Variants in THSD4 observed in about 807,000 individuals in gnomAD.
The protein encoded by THSD4 is thrombospondin type-1 domain-containing protein 4.
In THSD4, 69 loss-of-function variants were observed where a neutral mutation model predicts 119.0. That is an observed-to-expected ratio of 0.58 (90% CI 0.48 to 0.71). The LOEUF is 0.71. THSD4 is among the 30% of genes least tolerant of loss of function. THSD4 has a pLI of 0.00. For missense variants in THSD4, 1,393 were observed against 1,391.1 expected (o/e 1.00, Z -0.02); for synonymous variants, 524 against 540.4 (o/e 0.97, Z 0.42).
chr15:71,381,325 C>CA (rs1208436896), intron 6 of THSD4, among the ~76,000 whole-genome samples: 1 of 152,174 alleles, frequency 6.6e-6, no homozygotes, highest in Non-Finnish European at 1.5e-5. Flanking sequence ...TAATTTGGAT[C>CA]AATCTTATGA....
At chr15:71,299,457 A>C (rs1229656563) in intron 6 of THSD4, among the ~76,000 whole-genome samples, 2 of 152,156 alleles carry the variant, frequency 1.3e-5, no homozygotes, top group African/African-American at 4.8e-5. Context: ...GCTAAGTGAA[A>C]TAAGCCAGGC....
At chr15:71,646,258 C>G (rs768245517) in intron 7 of THSD4, among the ~76,000 whole-genome samples, 17 of 152,196 alleles carry the variant, frequency 1.1e-4, no homozygotes, top group Non-Finnish European at 2.4e-4. Context: ...AGGAGCACCT[C>G]TGCACACCTC....
intron 6 of THSD4, among the ~76,000 whole-genome samples, chr15:71,377,295 C>T (rs1456599824): frequency 3.9e-5 from 6 of 152,076 alleles, no homozygotes; most frequent in African/African-American, 9.7e-5. Context: ...AGCAGGGAAT[C>T]CTGGTGGGAA....
At chr15:71,267,798 T>A (rs987023123) in intron 6 of THSD4, among the ~76,000 whole-genome samples, 3 of 152,088 alleles carry the variant, frequency 2.0e-5, no homozygotes, top group African/African-American at 7.2e-5. Context: ...AAAAAAGGCA[T>A]GGATTGCAAT....
At chr15:71,120,140 C>T (rs2040396748) in intron 1 of THSD4, among the ~76,000 whole-genome samples, 2 of 152,178 alleles carry the variant, frequency 1.3e-5, no homozygotes. Flanking sequence ...CTGAATGTTA[C>T]AACTGTGTAT....
rs1334981116 is a variant in THSD4 at position 71,116,951 on chromosome 15, A to G, written c.-80+1253A>G. Among the ~76,000 whole-genome samples the G allele has an allele frequency of 3.3e-5, 5 of 152,256 alleles. No individual in the cohort carries two copies. In the South Asian group the frequency reaches 6.2e-4, roughly 19 times the overall value. ...TCCTATAGATTTTTGTTGGCATCAT[A>G]GTTGAATTCCTTTAGAAAACAAAAT... is the stretch of plus-strand genomic sequence containing the variant. On this transcript the variant is annotated intron_variant, in intron 1 of 17. Coordinates refer to ENST00000261862, the MANE Select transcript of THSD4 (RefSeq NM_024817.3).
Position 71,215,135 on chromosome 15 carries a change from G to C in THSD4, c.200G>C (p.Arg67Pro), listed in dbSNP as rs779140847. 3.7e-6 allele frequency: 5 copies of C among 1,369,630 alleles called. No homozygotes were observed. The highest frequency in any genetic ancestry group is 4.7e-6 in the Non-Finnish European group (5 of 1,057,536). 84.8% of individuals were successfully genotyped at this position (1,369,630 alleles called of 1,614,324 possible). A position where few individuals can be genotyped will look rare whatever the true frequency, so the allele number is the denominator to read the frequency against. ...GAWGPWSACS[R>P]SCSGGVMEQT... ...TGGGGCCCCTGGTCGGCCTGCTCGC[G>C]TAGCTGCAGCGGCGGCGTGATGGAG... The change falls in exon 4 of 18, where the codon CGT becomes CCT. Residue 67 changes from arginine to proline, a missense_variant. By Grantham distance (103) the Arg-to-Pro change is moderately radical. Transcript: ENST00000261862.
chr15:71,431,677 C>T (rs1208335348), intron 7 of THSD4, among the ~76,000 whole-genome samples: 7 of 152,042 alleles, frequency 4.6e-5, no homozygotes, highest in Non-Finnish European at 8.8e-5. Context: ...CAGACAGAAA[C>T]GTGGTCTTGG....
chr15:71,437,346 C>T (rs1449557811), intron 7 of THSD4, among the ~76,000 whole-genome samples: 1 of 152,214 alleles, frequency 6.6e-6, no homozygotes, highest in East Asian at 1.9e-4. Context: ...GACACACATC[C>T]AAACCATATC....
At chr15:71,341,605 G>C in intron 6 of THSD4, 2 of 1,591,262 alleles carry the variant, frequency 1.3e-6, no homozygotes, top group Non-Finnish European at 1.7e-6. Context: ...GCATACCCTT[G>C]ATGGCCTGAG....
intron 7 of THSD4, among the ~76,000 whole-genome samples, chr15:71,561,014 G>A (rs200446869): frequency 1.6e-4 from 21 of 134,202 alleles, no homozygotes; most frequent in Middle Eastern, 4.5e-3. Flanking sequence ...TCGCTGTGTC[G>A]CCCAGCCTGG....
rs561136131 is a variant in THSD4, at chr15:71,248,853, A to G, written c.912+5757A>G. Among the ~76,000 whole-genome samples the G allele has an allele frequency of 1.5e-3, 227 of 152,266 alleles. 11 individuals are homozygous for G. In the South Asian group the frequency reaches 0.046, roughly 31 times the overall value. ...CTTCCTGACTGCAATTTTAAGCAAA[A>G]ACTTAGTAAATGGGCCAGGTAAGAA... On this transcript the variant is annotated intron_variant, in intron 5 of 17. Coordinates refer to ENST00000261862, the MANE Select transcript of THSD4 (RefSeq NM_024817.3).
chr15:71,485,065 T>G (rs1190927782), intron 7 of THSD4, among the ~76,000 whole-genome samples: 1 of 152,194 alleles, frequency 6.6e-6, no homozygotes, highest in African/African-American at 2.4e-5. Flanking sequence ...GAGGCTAGTG[T>G]TTCCAGATTT....
At position 71,728,616 on chromosome 15, in the gene THSD4, C is replaced by A; in HGVS notation, c.1425C>A (p.Tyr475Ter). The A allele has an allele frequency of 1.2e-6, 2 of 1,614,164 alleles. No individual in the cohort carries two copies. The highest frequency in any genetic ancestry group is 1.7e-6 in the Non-Finnish European group (2 of 1,180,038). The change falls in exon 9 of 18, where the codon TAC (tyrosine) becomes TAA (stop). Residue 475 changes from tyrosine (Y) to a stop codon, truncating the protein, a stop_gained. Coordinates refer to ENST00000261862, the MANE Select transcript of THSD4 (RefSeq NM_024817.3). LOFTEE classifies it high-confidence loss of function. Reference protein sequence around the residue: ...GNWAIDRPGKYEGGGTMFTYK... With the variant: ...GNWAIDRPGK ...GGGCAATTGATCGACCAGGAAAATA[C>A]GAGGGCGGAGGGACCATGTTCACCT...
intron 3 of THSD4, among the ~76,000 whole-genome samples, chr15:71,166,343 G>A (rs2043294686): frequency 6.6e-6 from 1 of 152,168 alleles, no homozygotes; most frequent in African/African-American, 2.4e-5. Context: ...CCAGCAATGG[G>A]TCAAGTTTCA....
At chr15:71,098,533 T>A (rs975534568) in intron 1 of THSD4, among the ~76,000 whole-genome samples, 4 of 152,098 alleles carry the variant, frequency 2.6e-5, no homozygotes, top group African/African-American at 7.2e-5. Flanking sequence ...CAGAGTGCTA[T>A]GATTACAGGT....
At chr15:71,214,546 C>T (rs1432866863) in intron 3 of THSD4, among the ~76,000 whole-genome samples, 1 of 152,168 alleles carries the variant, frequency 6.6e-6, no homozygotes, top group Non-Finnish European at 1.5e-5. Context: ...TCAGTGGGAC[C>T]ACGAACCCAC....
At chr15:71,576,457 T>C (rs973400416) in intron 7 of THSD4, among the ~76,000 whole-genome samples, 1 of 152,298 alleles carries the variant, frequency 6.6e-6, no homozygotes, top group Non-Finnish European at 1.5e-5. Flanking sequence ...GGACCTCAGC[T>C]CAGGCCCCTC....
chr15:71,225,692 G>A (rs982115281), intron 4 of THSD4, among the ~76,000 whole-genome samples: 1 of 151,814 alleles, frequency 6.6e-6, no homozygotes, highest in Non-Finnish European at 1.5e-5. Flanking sequence ...ACAGGCACGT[G>A]CCACCACACT....
Sources: gnomAD v4.1 joint callset for allele counts (sites outside exome capture counted in the v4.1 genomes callset) on GRCh38, gnomAD v4.1.1 for gene constraint, MANE v1.5 for transcripts, NCBI Gene and HGNC (gene_info 2026-07-23, HGNC 2026-07-21) for gene names.